Variants in PHACTR4 observed in about 807,000 individuals in gnomAD.
PHACTR4 encodes protein phosphatase 1, regulatory subunit 124.
Under a neutral mutation model 72.7 loss-of-function variants are expected in PHACTR4, and 51 were observed. That is an observed-to-expected ratio of 0.70 (90% CI 0.56 to 0.89). PHACTR4 has a LOEUF of 0.89. PHACTR4 is among the 40% of genes least tolerant of loss of function. The pLI is 0.00. For synonymous variants in PHACTR4, 255 were observed against 302.5 expected, an observed-to-expected ratio of 0.84 and a Z score of 1.63; for missense variants, 731 against 861.8, an observed-to-expected ratio of 0.85 and a Z score of 1.90.
At chr1:28,376,235 C>T (rs1284757704) in intron 1 of PHACTR4, among the ~76,000 whole-genome samples, 1 of 151,494 alleles carries the variant, frequency 6.6e-6, no homozygotes, top group African/African-American at 2.4e-5. Context: ...ATCACTTGAG[C>T]CTAGGAGGTG....
rs1264839267 is a variant in PHACTR4 at position 28,406,844 on chromosome 1, T to TA, written c.-38-563dup. Among the ~76,000 whole-genome samples, 4 of 152,322 alleles carry TA rather than the reference T, an allele frequency of 2.6e-5. No homozygotes were observed. The East Asian group carries it at 7.7e-4, about 29-fold the overall frequency. On this transcript the variant is annotated intron_variant, in intron 1 of 13. Coordinates refer to ENST00000373839, the MANE Select transcript of PHACTR4 (RefSeq NM_001048183.3). Reference sequence around the variant, plus strand: ...TGTTTTATTTTCATACTTGAGTGGATAAACTTACAGCTTACTGAACCATCC... The same window carrying TA: ...TGTTTTATTTTCATACTTGAGTGGATAAAACTTACAGCTTACTGAACCATCC...
intron 1 of PHACTR4, among the ~76,000 whole-genome samples, chr1:28,402,885 A>C (rs1654044013): frequency 6.6e-6 from 1 of 152,214 alleles, no homozygotes; most frequent in Non-Finnish European, 1.5e-5. Flanking sequence ...TTGATATTAT[A>C]ACAACATCAA....
At chr1:28,463,906 CTTT>C (rs1658971962) in intron 4 of PHACTR4, among the ~76,000 whole-genome samples, 1 of 151,928 alleles carries the variant, frequency 6.6e-6, no homozygotes, top group South Asian at 2.1e-4. Flanking sequence ...AGTTTTTTTA[CTTT>C]TTTGTAGAGA....
intron 1 of PHACTR4, among the ~76,000 whole-genome samples, chr1:28,392,212 A>G (rs1201234338): frequency 1.3e-5 from 2 of 152,028 alleles, no homozygotes; most frequent in African/African-American, 4.8e-5. Flanking sequence ...TGCGTATGTC[A>G]TGAATCATCT....
Position 28,480,571 on chromosome 1 carries a change from A to T in PHACTR4, c.1727A>T (p.Glu576Val). The change falls in exon 9 of 14, where the codon GAA becomes GTA. Residue 576 changes from glutamate to valine, a missense_variant. Physicochemically the swap from Glu to Val is moderately radical, Grantham distance 121. Around this residue, in one of 2 missense-constraint regions of PHACTR4, gnomAD observed 110 missense variants for 185.2 expected, o/e 0.59. Transcript: ENST00000373839. ...WPCKSKEEWN[E>V]IRHQIGNTLI... ...TGTAAAAGCAAGGAGGAGTGGAATG[A>T]AATACGGCACCAGATTGGAAACACA... 5 of 1,614,218 alleles carry T rather than the reference A, an allele frequency of 3.1e-6. No homozygotes were observed. The highest frequency in any genetic ancestry group is 4.2e-6 in the Non-Finnish European group (5 of 1,180,042).
At chr1:28,389,930 C>T (rs1652869784) in intron 1 of PHACTR4, among the ~76,000 whole-genome samples, 1 of 152,070 alleles carries the variant, frequency 6.6e-6, no homozygotes, top group African/African-American at 2.4e-5. Flanking sequence ...TTCATTGCAG[C>T]ATTATTCACA....
At chr1:28,486,333 G>A (rs1446798621) in intron 9 of PHACTR4, among the ~76,000 whole-genome samples, 2 of 152,138 alleles carry the variant, frequency 1.3e-5, no homozygotes, top group Non-Finnish European at 1.5e-5. Context: ...TCCAGCTTGG[G>A]CAACAGTGCA....
chr1:28,411,382 G>A (rs1654779899), intron 2 of PHACTR4, among the ~76,000 whole-genome samples: 1 of 152,152 alleles, frequency 6.6e-6, no homozygotes, highest in Non-Finnish European at 1.5e-5. Flanking sequence ...CTTGGAATTT[G>A]TAAATTAACA....
Position 28,399,944 on chromosome 1 carries a change from A to G in PHACTR4, c.-38-7466A>G, listed in dbSNP as rs114608278. Among the ~76,000 whole-genome samples, 910 of 152,348 alleles carry G rather than the reference A, an allele frequency of 6.0e-3. 9 individuals are homozygous for G. Among genetic ancestry groups the G allele is most frequent in the African/African-American group, 0.021 (867 of 41,576 alleles). The stretch of plus-strand genomic sequence containing the variant: ...GAATAACAACTGCAAACCCTAGGGT[A>G]AGAATGTGCTTGTTATGTTACAGAA... On this transcript the variant is annotated intron_variant, in intron 1 of 13. Coordinates refer to ENST00000373839, the MANE Select transcript of PHACTR4 (RefSeq NM_001048183.3).
chr1:28,472,465 C>G (rs1252541434), intron 6 of PHACTR4, among the ~76,000 whole-genome samples: 1 of 152,068 alleles, frequency 6.6e-6, no homozygotes, highest in Non-Finnish European at 1.5e-5. Context: ...TATAAAAATT[C>G]AAGATGTCAG....
chr1:28,373,296 AT>A (rs11449923), intron 1 of PHACTR4, among the ~76,000 whole-genome samples: 12 of 149,260 alleles, frequency 8.0e-5, no homozygotes, highest in South Asian at 2.2e-4. Flanking sequence ...TTTAAACATA[AT>A]TTTTTTTTTT....
At chr1:28,450,915 A>T (rs866970352) in intron 2 of PHACTR4, among the ~76,000 whole-genome samples, 5 of 142,620 alleles carry the variant, frequency 3.5e-5, no homozygotes, top group African/African-American at 1.1e-4. Flanking sequence ...GGTTCAAGAG[A>T]TTCTCATGCC....
chr1:28,465,882 C>G, intron 5 of PHACTR4, 33 bp downstream of exon 5: 3 of 1,584,696 alleles, frequency 1.9e-6, no homozygotes, highest in Non-Finnish European at 2.6e-6. Flanking sequence ...GTTTAAGAGC[C>G]ACGGGCCAGT....
chr1:28,462,363 C>T (rs902200858), intron 4 of PHACTR4, among the ~76,000 whole-genome samples: 1 of 151,894 alleles, frequency 6.6e-6, no homozygotes, highest in African/African-American at 2.4e-5. Flanking sequence ...TTCTTTTCAC[C>T]TTTCTTGCTC....
intron 2 of PHACTR4, among the ~76,000 whole-genome samples, chr1:28,444,782 A>ATTTTTTTTTTTTTTTTTTTT (rs577693546): frequency 1.3e-4 from 15 of 116,676 alleles, no homozygotes; most frequent in African/African-American, 5.1e-4. Flanking sequence ...CACCCAGCTA[A>ATTTTTTTTTTTTTTTTTTTT]TTTTTTTTTT....
intron 6 of PHACTR4, among the ~76,000 whole-genome samples, chr1:28,471,105 T>G (rs866187202): frequency 6.6e-6 from 1 of 151,784 alleles, no homozygotes; most frequent in Admixed American, 6.6e-5. Context: ...CCCAGCACTT[T>G]GGGAGGCCGA....
rs1654218980 is a variant in PHACTR4 at position 28,405,002 on chromosome 1, C to T, written c.-38-2408C>T. 2.0e-5 allele frequency among the ~76,000 whole-genome samples: 3 copies of T among 152,128 alleles called. No individual in the cohort carries two copies. The South Asian group carries it at 6.2e-4, about 32-fold the overall frequency. On this transcript the variant is annotated intron_variant, in intron 1 of 13. Coordinates refer to ENST00000373839, the MANE Select transcript of PHACTR4 (RefSeq NM_001048183.3). ...TTTAGCTCCCAACACTTGTTATTAC[C>T]TCTTTTATTTATTATAGCCATCATA... is the stretch of plus-strand genomic sequence containing the variant.
intron 1 of PHACTR4, 43 bp from the exon 2 acceptor site, chr1:28,407,367 A>T: frequency 9.4e-7 from 1 of 1,065,400 alleles, no homozygotes; most frequent in South Asian, 1.4e-5. Flanking sequence ...AAGGTGATGG[A>T]CTATATGTAT....
chr1:28,425,949 GGTGGCTCACGCCT>G (rs1451731085), intron 2 of PHACTR4, among the ~76,000 whole-genome samples: 1 of 152,176 alleles, frequency 6.6e-6, no homozygotes, highest in Non-Finnish European at 1.5e-5. Context: ...GGCCGGGCAC[GGTGGCTCACGCCT>G]GTAATCCCAG....
Sources: allele counts gnomAD v4.1 joint callset (sites outside exome capture counted in the v4.1 genomes callset), GRCh38; gene constraint gnomAD v4.1.1; regional missense constraint gnomAD v4.1.1; transcripts MANE v1.5; gene names NCBI Gene and HGNC (gene_info 2026-07-23, HGNC 2026-07-21).